The following C11orf65 variants were observed in gnomAD, a reference collection of about 807,000 sequenced individuals.
C11orf65 encodes chromosome 11 open reading frame 65.
In C11orf65, 38 loss-of-function variants were observed where a neutral mutation model predicts 35.3. That is an observed-to-expected ratio of 1.08 (90% CI 0.83 to 1.41). The LOEUF is 1.41. C11orf65 is among the 40% of genes most tolerant of loss of function. The probability of loss-of-function intolerance (pLI) is 0.00; values close to 1 mark genes in which losing one functional copy is unlikely to be tolerated. For synonymous variants in C11orf65, 105 were observed against 114.4 expected, an observed-to-expected ratio of 0.92 and a Z score of 0.53; for missense variants, 370 against 367.1, an observed-to-expected ratio of 1.01 and a Z score of -0.06.
intron 3 of C11orf65, among the ~76,000 whole-genome samples, chr11:108,430,408 GA>G (rs1459986844): frequency 6.6e-6 from 1 of 151,040 alleles, no homozygotes; most frequent in African/African-American, 2.4e-5. Context: ...CAAAGTGCTG[GA>G]ATTACAGGTG....
chr11:108,437,094 C>CAAAAAA (rs34835160), intron 2 of C11orf65, among the ~76,000 whole-genome samples: 1 of 72,390 alleles, frequency 1.4e-5, no homozygotes. Context: ...CCCATTACGA[C>CAAAAAA]AAAAAAAAAA....
intron 1 of C11orf65, among the ~76,000 whole-genome samples, chr11:108,462,810 A>G (rs1015696076): frequency 5.3e-5 from 8 of 152,230 alleles, no homozygotes; most frequent in Non-Finnish European, 1.0e-4. Context: ...CAAAGTGAAC[A>G]AATTTTGCTT....
intron 2 of C11orf65, among the ~76,000 whole-genome samples, chr11:108,447,330 AT>A (rs997340797): frequency 1.3e-4 from 20 of 151,304 alleles, no homozygotes; most frequent in South Asian, 6.3e-4. Context: ...CAGAATATAC[AT>A]TTTTTTTTAG....
chr11:108,463,608 G>A (rs1234803280), intron 1 of C11orf65, among the ~76,000 whole-genome samples: 1 of 152,090 alleles, frequency 6.6e-6, no homozygotes, highest in Non-Finnish European at 1.5e-5. Context: ...TTTTGCCGAA[G>A]TTACTTAACT....
At chr11:108,453,007 G>C (rs1398444608) in intron 2 of C11orf65, among the ~76,000 whole-genome samples, 1 of 120,838 alleles carries the variant, frequency 8.3e-6, no homozygotes, top group East Asian at 3.1e-4. Context: ...TCGTGGGGTG[G>C]GGGGAGGGGG....
In C11orf65 at chr11:108,365,356, G is replaced by A. The variant is rs876660382; in HGVS notation, c.226+27852C>T. The A allele has an allele frequency of 6.2e-7, 1 of 1,614,144 alleles. No homozygotes were observed. On this transcript the variant is annotated intron_variant, in intron 2 of 3. Transcript: ENST00000524755. ...TGACCAGAGTTTCAACAAAGTAGCTGAACGTGTCTTAATGAGACTACAAGA... is the reference window on the plus strand; with the variant it reads ...TGACCAGAGTTTCAACAAAGTAGCTAAACGTGTCTTAATGAGACTACAAGA...
intron 6 of C11orf65, among the ~76,000 whole-genome samples, chr11:108,399,554 A>G (rs1260871678): frequency 6.6e-6 from 1 of 152,136 alleles, no homozygotes; most frequent in East Asian, 1.9e-4. Flanking sequence ...TTCCTCCAAC[A>G]TATTCCCCCC....
chr11:108,346,946 A>G (rs1229153412), intron 2 of C11orf65, among the ~76,000 whole-genome samples: 1 of 152,220 alleles, frequency 6.6e-6, no homozygotes, highest in Non-Finnish European at 1.5e-5. Context: ...TTGAGTACAT[A>G]TAATGCACAG....
At chr11:108,329,642 C>A (rs2086053292), downstream of C11orf65, among the ~76,000 whole-genome samples, 1 of 152,150 alleles carries the variant, frequency 6.6e-6, no homozygotes. Flanking sequence ...AACTCATGGG[C>A]TCAAACGATC....
chr11:108,414,501 CA>C (rs1275242785), intron 3 of C11orf65, among the ~76,000 whole-genome samples: 2 of 151,926 alleles, frequency 1.3e-5, no homozygotes. Context: ...CATAATCTAC[CA>C]AAAATCACAG....
rs1555138094 is a variant in C11orf65 at position 108,345,798 on chromosome 11, A to G, written c.227-10506T>C. 1 of 1,613,900 alleles carries G rather than the reference A, an allele frequency of 6.2e-7. No homozygotes were observed. The highest frequency in any genetic ancestry group is 8.5e-7 in the Non-Finnish European group (1 of 1,179,848). ...TATGAAGTCTTCATGGATGTTTGCC[A>G]AAATTTTCAACCAGTTTTCCGTTAC... On this transcript the variant is annotated intron_variant, in intron 2 of 3. Coordinates refer to the C11orf65 transcript ENST00000524755.
intron 2 of C11orf65, among the ~76,000 whole-genome samples, chr11:108,456,330 T>G (rs2093411146): frequency 6.6e-6 from 1 of 152,140 alleles, no homozygotes; most frequent in African/African-American, 2.4e-5. Flanking sequence ...AAAATGAACT[T>G]TGTACCTCTA....
At chr11:108,453,517 T>C (rs1263701210) in intron 2 of C11orf65, among the ~76,000 whole-genome samples, 1 of 152,120 alleles carries the variant, frequency 6.6e-6, no homozygotes, top group Non-Finnish European at 1.5e-5. Context: ...ACAATTTAAA[T>C]ATAAGGGCAC....
At chr11:108,440,745 C>A (rs2093139342) in intron 2 of C11orf65, among the ~76,000 whole-genome samples, 1 of 152,100 alleles carries the variant, frequency 6.6e-6, no homozygotes. Context: ...TTTTTATGAC[C>A]TAGACTAAGA....
chr11:108,409,157 T>C lies in C11orf65; in HGVS notation c.175-2008A>G, dbSNP rs191651221. On this transcript the variant is annotated intron_variant, in intron 3 of 8. Transcript: ENST00000393084. ...GTGATAAATCTCTAAGATTCGTGTA[T>C]GTAGTTGTAGATAGCAGCAGTTAGT... is the stretch of plus-strand genomic sequence containing the variant. Among the ~76,000 whole-genome samples the C allele has an allele frequency of 1.4e-4, 21 of 152,340 alleles. 1 individual carries two copies. The highest frequency in any genetic ancestry group is 4.8e-4 in the African/African-American group (20 of 41,592).
chr11:108,310,351 A>T, intron 6 of C11orf65: 1 of 1,576,728 alleles, frequency 6.3e-7, no homozygotes, highest in South Asian at 1.1e-5. Context: ...TTTAAAATTA[A>T]TGTTGGCATT....
chr11:108,366,762 T>C (rs546023856), intron 2 of C11orf65: 6 of 230,826 alleles, frequency 2.6e-5, no homozygotes, highest in African/African-American at 1.1e-4. Context: ...GGGCAGAATA[T>C]TTGATTGATG....
intron 6 of C11orf65, among the ~76,000 whole-genome samples, chr11:108,320,783 G>C (rs1371690021): frequency 6.6e-6 from 1 of 152,176 alleles, no homozygotes; most frequent in Non-Finnish European, 1.5e-5. Context: ...TTGAAAATGT[G>C]AGTATTACTT....
intron 2 of C11orf65, among the ~76,000 whole-genome samples, chr11:108,438,090 A>G (rs2093092501): frequency 6.6e-6 from 1 of 152,224 alleles, no homozygotes; most frequent in African/African-American, 2.4e-5. Context: ...GAGCCTCCAA[A>G]TAGACTCATA....
Sources: allele counts gnomAD v4.1 joint callset (sites outside exome capture counted in the v4.1 genomes callset), GRCh38; gene constraint gnomAD v4.1.1; transcripts MANE v1.5; gene names NCBI Gene and HGNC (gene_info 2026-07-23, HGNC 2026-07-21).